SAMSN1: variants seen among roughly 807,000 people sequenced by gnomAD.
The protein encoded by SAMSN1 is SAM domain, SH3 domain and nuclear localization signals 1.
SAMSN1 carries 31 observed loss-of-function variants against 42.0 expected under a neutral mutation model. The observed-to-expected ratio is 0.74, with a 90% CI of 0.55 to 1.00. The LOEUF is 1.00. SAMSN1 is among the 50% of genes least tolerant of loss of function. The pLI is 0.00. For synonymous variants in SAMSN1, 178 were observed against 151.9 expected (o/e 1.17, Z -1.26); for missense variants, 464 against 439.4 (o/e 1.06, Z -0.50).
At chr21:14,494,146 G>A (rs1260197753) in intron 7 of SAMSN1, among the ~76,000 whole-genome samples, 1 of 152,244 alleles carries the variant, frequency 6.6e-6, no homozygotes, top group African/African-American at 2.4e-5. Context: ...GTCAAAGACA[G>A]TGTGGCGATC....
chr21:14,655,800 T>A (rs1179943205), intron 1 of SAMSN1, among the ~76,000 whole-genome samples: 4 of 151,814 alleles, frequency 2.6e-5, no homozygotes, highest in African/African-American at 7.2e-5. Flanking sequence ...GAGAATAACA[T>A]AAATGCTAAG....
intron 1 of SAMSN1, among the ~76,000 whole-genome samples, chr21:14,647,988 T>C (rs1016942320): frequency 4.0e-5 from 6 of 150,670 alleles, no homozygotes; most frequent in Non-Finnish European, 7.4e-5. Flanking sequence ...TTCCTTCTCC[T>C]GCCTAATTGC....
chr21:14,604,389 G>A (rs534304572), intron 5 of SAMSN1, among the ~76,000 whole-genome samples: 186 of 152,176 alleles, frequency 1.2e-3, no homozygotes, highest in African/African-American at 4.3e-3. Flanking sequence ...TGCAGTGGAA[G>A]TAATATTTTG....
chr21:14,648,552 T>C (rs928667321), intron 1 of SAMSN1, among the ~76,000 whole-genome samples: 4 of 151,980 alleles, frequency 2.6e-5, no homozygotes, highest in African/African-American at 9.7e-5. Flanking sequence ...GAATCTACAA[T>C]GAACTCAAAC....
At chr21:14,648,490 A>G (rs527775194) in intron 1 of SAMSN1, among the ~76,000 whole-genome samples, 1 of 152,300 alleles carries the variant, frequency 6.6e-6, no homozygotes, top group South Asian at 2.1e-4. Context: ...GCAACCTAAA[A>G]AATGGGAGAA....
At chr21:14,608,886 A>G (rs1280415324) in intron 5 of SAMSN1, among the ~76,000 whole-genome samples, 2 of 152,132 alleles carry the variant, frequency 1.3e-5, no homozygotes, top group Non-Finnish European at 2.9e-5. Context: ...TCAACTTTTG[A>G]TACGGTTTTT....
intron 5 of SAMSN1, among the ~76,000 whole-genome samples, chr21:14,502,140 A>C (rs1600866438): frequency 6.6e-6 from 1 of 152,184 alleles, no homozygotes; most frequent in East Asian, 1.9e-4. Flanking sequence ...CTGCTCTGAG[A>C]ATGTGTGTTC....
At chr21:14,640,551 C>T (rs1983569703) in intron 2 of SAMSN1, among the ~76,000 whole-genome samples, 1 of 151,710 alleles carries the variant, frequency 6.6e-6, no homozygotes, top group South Asian at 2.1e-4. Flanking sequence ...GTGCCAATAC[C>T]AGGAGAAAAA....
At chr21:14,548,067 C>G (rs1184031338), upstream of SAMSN1, among the ~76,000 whole-genome samples, 1 of 152,078 alleles carries the variant, frequency 6.6e-6, no homozygotes, top group East Asian at 1.9e-4. Flanking sequence ...GTTGGCTAGG[C>G]AGATCTTTTG....
intron 2 of SAMSN1, chr21:14,582,038 T>C: frequency 1.7e-6 from 2 of 1,189,850 alleles, no homozygotes; most frequent in Non-Finnish European, 2.3e-6. Flanking sequence ...TTTCTGAAAC[T>C]GATAAATTTC....
rs755331469 is a variant in SAMSN1 at position 14,546,211 on chromosome 21, T to C, written c.51A>G (p.Lys17=). 6.2e-7 allele frequency: 1 copy of C among 1,612,910 alleles called. No individual in the cohort carries two copies. Among genetic ancestry groups the C allele is most frequent in the South Asian group, 1.1e-5 (1 of 91,054 alleles). ...SNVSEKEKHQ[K]PKRSSSFGNF... ...ATGTATGAAATCACCTTACCTTTGG[T>C]TTTTGATGTTTCTCCTTCTCTGAAA... The change falls in exon 1 of 8, where the codon AAA becomes AAG. Residue 17 remains lysine, a synonymous_variant. Coordinates refer to ENST00000400566, the MANE Select transcript of SAMSN1 (RefSeq NM_022136.5).
chr21:14,578,666 G>A (rs960504096), intron 2 of SAMSN1, among the ~76,000 whole-genome samples: 6 of 124,768 alleles, frequency 4.8e-5, no homozygotes, highest in African/African-American at 1.9e-4. Context: ...CTGGGCGACA[G>A]GGTGAGAATC....
At chr21:14,527,390 C>T (rs535559825) in intron 1 of SAMSN1, among the ~76,000 whole-genome samples, 1 of 152,292 alleles carries the variant, frequency 6.6e-6, no homozygotes, top group South Asian at 2.1e-4. Flanking sequence ...GAATACACTT[C>T]TGTGGGGTGT....
chr21:14,494,397 T>G (rs1986823530), intron 7 of SAMSN1, among the ~76,000 whole-genome samples: 2 of 152,190 alleles, frequency 1.3e-5, no homozygotes, highest in African/African-American at 4.8e-5. Flanking sequence ...AGGATGAGTT[T>G]ATGTCCTTTA....
Position 14,577,285 on chromosome 21 carries a change from T to TATATA in SAMSN1, c.261+4850_261+4851insTATAT, listed in dbSNP as rs1491266473. Among the ~76,000 whole-genome samples, 65 of 36,820 alleles carry TATATA rather than the reference T, an allele frequency of 1.8e-3. 2 individuals are homozygous for TATATA. The highest frequency in any genetic ancestry group is 2.5e-3 in the Non-Finnish European group (49 of 19,754). The allele number at this position is 36,820 out of a possible 152,430, so 24.2% of individuals were successfully genotyped here. A position where few individuals can be genotyped will look rare whatever the true frequency, so the allele number is the denominator to read the frequency against. ...ATATATATATATATATATATATATA[T>TATATA]TTTTTTTTTAGAAGAGACAGGGTTT... On this transcript the variant is annotated intron_variant, in intron 2 of 8. Transcript: ENST00000285670.
At chr21:14,507,663 T>C (rs1987475170) in intron 5 of SAMSN1, among the ~76,000 whole-genome samples, 1 of 152,086 alleles carries the variant, frequency 6.6e-6, no homozygotes, top group African/African-American at 2.4e-5. Flanking sequence ...CCCATCAAAA[T>C]ACCACCATCG....
intron 6 of SAMSN1, among the ~76,000 whole-genome samples, chr21:14,597,626 C>T (rs1471308081): frequency 1.3e-5 from 2 of 152,122 alleles, no homozygotes; most frequent in Non-Finnish European, 2.9e-5. Context: ...GAAATGTATT[C>T]GGCTTTGAGG....
intron 2 of SAMSN1, among the ~76,000 whole-genome samples, chr21:14,554,663 G>A (rs1426201077): frequency 1.3e-5 from 2 of 150,496 alleles, no homozygotes; most frequent in African/African-American, 4.9e-5. Context: ...CTTGTCAGGT[G>A]ATCAACTAGC....
chr21:14,620,649 A>G lies in SAMSN1; in HGVS notation c.157-4633T>C, dbSNP rs1196626097. ...ATTGCAAGTAGTCTTTCTTTCAATT[A>G]TCTATCACCAGTGACTGTTGATCTC... On this transcript the variant is annotated intron_variant, in intron 2 of 15. Transcript: ENST00000647101. Among the ~76,000 whole-genome samples the G allele has an allele frequency of 3.9e-5, 6 of 152,238 alleles. No homozygotes were observed. The South Asian group carries it at 1.2e-3, about 31-fold the overall frequency.
Sources: gnomAD v4.1 joint callset for allele counts (sites outside exome capture counted in the v4.1 genomes callset) on GRCh38, gnomAD v4.1.1 for gene constraint, MANE v1.5 for transcripts, NCBI Gene and HGNC (gene_info 2026-07-23, HGNC 2026-07-21) for gene names.